GFOD1: variants seen among roughly 807,000 people sequenced by gnomAD.
The protein encoded by GFOD1 is glucose-fructose oxidoreductase domain-containing protein 1.
A neutral mutation model predicts 25.4 loss-of-function variants in GFOD1; 9 were observed. That is an observed-to-expected ratio of 0.35 (90% CI 0.21 to 0.62). The LOEUF (loss-of-function observed/expected upper bound fraction) is 0.62, where lower values mean the gene tolerates loss of function less well. Ranked by LOEUF, GFOD1 falls within the 20% of genes least tolerant of loss-of-function variation. GFOD1 has a pLI of 0.72. For missense variants in GFOD1, 403 were observed against 556.9 expected, an observed-to-expected ratio of 0.72 and a Z score of 2.78; for synonymous variants, 253 against 245.6, an observed-to-expected ratio of 1.03 and a Z score of -0.28.
At chr6:13,403,509 T>C (rs1188533077) in intron 1 of GFOD1, among the ~76,000 whole-genome samples, 1 of 152,238 alleles carries the variant, frequency 6.6e-6, no homozygotes, top group East Asian at 1.9e-4. Context: ...CTGTATAGCA[T>C]GTTATTGCAC....
At chr6:13,449,131 AC>A (rs1041365994) in intron 1 of GFOD1, among the ~76,000 whole-genome samples, 6 of 152,306 alleles carry the variant, frequency 3.9e-5, no homozygotes, top group East Asian at 1.9e-4. Flanking sequence ...TACAAAAAAA[AC>A]ATTTTTAAAT....
rs77367238 is a variant in GFOD1, at chr6:13,463,548, T to A, written c.253+23090A>T. ...ACAAGCTCTTTCCACGTCACCGGGG[T>A]GTGGGTCTTTTCTTTAACCCACAGT... On this transcript the variant is annotated intron_variant, in intron 1 of 1. Transcript: ENST00000379287. Among the ~76,000 whole-genome samples, 245 of 152,238 alleles carry A rather than the reference T, an allele frequency of 1.6e-3. No individual in the cohort carries two copies. The East Asian group carries it at 0.028, about 17-fold the overall frequency.
At chr6:13,469,433 A>G in intron 1 of GFOD1, 1 of 985,198 alleles carries the variant, frequency 1.0e-6, no homozygotes, top group South Asian at 4.7e-5. Context: ...TTATGGAATT[A>G]GATGATGCAA....
In GFOD1 at chr6:13,403,752, T is replaced by A. The variant is rs140040204; in HGVS notation, c.254-38090A>T. Among the ~76,000 whole-genome samples, 489 of 152,302 alleles carry A rather than the reference T, an allele frequency of 3.2e-3. 2 individuals are homozygous for A. The highest frequency in any genetic ancestry group is 5.4e-3 in the Non-Finnish European group (370 of 68,020). ...GATGAACCTTGAAAATATTATGACA[T>A]GTGAAAGAAGTCTCAGAAGAGACCA... On this transcript the variant is annotated intron_variant, in intron 1 of 1. Transcript: ENST00000379287.
chr6:13,396,547 T>A, intron 1 of GFOD1, among the ~76,000 whole-genome samples: 1 of 152,222 alleles, frequency 6.6e-6, no homozygotes, highest in Non-Finnish European at 1.5e-5. Context: ...GTGAATGTTT[T>A]CTTATAGAAT....
At chr6:13,443,335 A>G (rs993256517) in intron 1 of GFOD1, among the ~76,000 whole-genome samples, 2 of 152,230 alleles carry the variant, frequency 1.3e-5, no homozygotes, top group African/African-American at 2.4e-5. Flanking sequence ...AATGATAAGA[A>G]AGGATTTAGA....
Position 13,365,615 on chromosome 6 carries a change from C to T in GFOD1, c.301G>A (p.Ala101Thr). 1 of 1,601,754 alleles carries T rather than the reference C, an allele frequency of 6.2e-7. No homozygotes were observed. The highest frequency in any genetic ancestry group is 2.2e-5 in the East Asian group (1 of 44,850). ...ICDRTATPLD[A>T]FRMTSAAHYY... ...TGGGCGGCCGAGGTCATGCGGAAAG[C>T]GTCCAGCGGCGTGGCCGTGCGGTCG... is the stretch of plus-strand genomic sequence containing the variant. Residue 101 changes from alanine to threonine, a missense_variant, in exon 2 of 2, where the codon GCT becomes ACT. Physicochemically the swap from Ala to Thr is moderately conservative, Grantham distance 58. Transcript: ENST00000379287. The surrounding 1 kb of genome is among the most constrained non-coding windows in gnomAD (Gnocchi z 9.2).
intron 1 of GFOD1, among the ~76,000 whole-genome samples, chr6:13,475,088 C>CA (rs1367647061): frequency 6.6e-6 from 1 of 152,094 alleles, no homozygotes; most frequent in African/African-American, 2.4e-5. Flanking sequence ...CCAATGCTTA[C>CA]AAATCAATAA....
intron 1 of GFOD1, among the ~76,000 whole-genome samples, chr6:13,377,750 GTGTCACCTGCC>G (rs1366137734): frequency 6.6e-6 from 1 of 152,172 alleles, no homozygotes; most frequent in Non-Finnish European, 1.5e-5. Context: ...TCCACTCATT[GTGTCACCTGCC>G]TGCAAGCTCT....
chr6:13,436,258 G>C (rs1329886532), intron 1 of GFOD1, among the ~76,000 whole-genome samples: 4 of 152,172 alleles, frequency 2.6e-5, no homozygotes, highest in African/African-American at 9.6e-5. Flanking sequence ...ATTTAAAAAT[G>C]AAAGTAAAAC....
intron 1 of GFOD1, among the ~76,000 whole-genome samples, chr6:13,396,315 G>A (rs566030861): frequency 6.6e-6 from 1 of 152,300 alleles, no homozygotes; most frequent in South Asian, 2.1e-4. Context: ...TCTGTGCCAG[G>A]TTAACAGAGC....
chr6:13,381,794 C>G (rs1278894500), intron 1 of GFOD1, among the ~76,000 whole-genome samples: 1 of 151,996 alleles, frequency 6.6e-6, no homozygotes, highest in East Asian at 1.9e-4. Context: ...CCTCCTCCCC[C>G]AAGCCCTCAG....
chr6:13,440,620 C>G (rs1462939358), intron 1 of GFOD1, among the ~76,000 whole-genome samples: 1 of 152,198 alleles, frequency 6.6e-6, no homozygotes, highest in Non-Finnish European at 1.5e-5. Flanking sequence ...GTTCGGACTT[C>G]CTCCCATTTC....
chr6:13,433,118 CTTTTTTTTTT>C (rs34908391), intron 1 of GFOD1, among the ~76,000 whole-genome samples: 1 of 133,668 alleles, frequency 7.5e-6, no homozygotes, highest in Non-Finnish European at 1.6e-5. Flanking sequence ...TGCTGGGTCC[CTTTTTTTTTT>C]TTTTTTTTGA....
chr6:13,469,265 G>C (rs761612556), intron 1 of GFOD1: 8 of 985,252 alleles, frequency 8.1e-6, no homozygotes, highest in Non-Finnish European at 9.6e-6. Context: ...CATCACACTC[G>C]CCTTTTATAT....
intron 1 of GFOD1, among the ~76,000 whole-genome samples, chr6:13,482,996 A>G (rs1453012861): frequency 6.6e-6 from 1 of 151,850 alleles, no homozygotes; most frequent in Non-Finnish European, 1.5e-5. Flanking sequence ...AATGGGAGAC[A>G]TAAACAACTG....
At chr6:13,397,036 G>A (rs1198243919) in intron 1 of GFOD1, among the ~76,000 whole-genome samples, 2 of 152,124 alleles carry the variant, frequency 1.3e-5, no homozygotes, top group South Asian at 2.1e-4. Flanking sequence ...TGCAGTGACC[G>A]ACACCTTCAG....
At chr6:13,482,830 A>T (rs1370329682) in intron 1 of GFOD1, among the ~76,000 whole-genome samples, 1 of 152,072 alleles carries the variant, frequency 6.6e-6, no homozygotes, top group Non-Finnish European at 1.5e-5. Flanking sequence ...AATATATATT[A>T]TTTTTAATAC....
chr6:13,401,465 T>A (rs1785843247), intron 1 of GFOD1, among the ~76,000 whole-genome samples: 2 of 152,260 alleles, frequency 1.3e-5, no homozygotes, highest in South Asian at 4.2e-4. Flanking sequence ...ATGCTAGCTA[T>A]GGTATTTACA....
Sources: gnomAD v4.1 joint callset for allele counts (sites outside exome capture counted in the v4.1 genomes callset) on GRCh38, gnomAD v4.1.1 for gene constraint, Gnocchi (gnomAD v3.1) non-coding constraint, MANE v1.5 for transcripts, NCBI Gene and HGNC (gene_info 2026-07-23, HGNC 2026-07-21) for gene names.